The following SHISA9 variants were observed in gnomAD, a reference collection of about 807,000 sequenced individuals.
SHISA9 encodes shisa family member 9, also known as protein shisa-9.
In SHISA9, 13 loss-of-function variants were observed where a neutral mutation model predicts 38.0. That is an observed-to-expected ratio of 0.34 (90% CI 0.22 to 0.54). SHISA9 has a LOEUF of 0.54. Among genes scored for constraint, SHISA9 ranks in the 20% least tolerant of loss-of-function variants. The pLI, the probability that SHISA9 is intolerant of heterozygous loss-of-function variation, is 0.91. For missense variants in SHISA9, 538 were observed against 575.8 expected, an observed-to-expected ratio of 0.93 and a Z score of 0.67; for synonymous variants, 275 against 242.0, an observed-to-expected ratio of 1.14 and a Z score of -1.27.
intron 2 of SHISA9, among the ~76,000 whole-genome samples, chr16:13,153,809 T>A (rs1317113431): frequency 6.6e-6 from 1 of 152,196 alleles, no homozygotes; most frequent in Non-Finnish European, 1.5e-5. Flanking sequence ...CTGCAATGTT[T>A]GGGAACGCAG....
intron 2 of SHISA9, among the ~76,000 whole-genome samples, chr16:13,067,806 C>A (rs1442321214): frequency 3.3e-5 from 5 of 152,214 alleles, no homozygotes; most frequent in African/African-American, 1.2e-4. Flanking sequence ...TTGCAGTAGG[C>A]CTTTGCGCCA....
At chr16:13,208,262 C>A (rs979816719) in intron 3 of SHISA9, among the ~76,000 whole-genome samples, 1 of 152,116 alleles carries the variant, frequency 6.6e-6, no homozygotes, top group African/African-American at 2.4e-5. Flanking sequence ...CCATTCATTT[C>A]CTGCCAACTC....
At chr16:13,037,037 T>C (rs2073075950) in intron 2 of SHISA9, among the ~76,000 whole-genome samples, 1 of 146,734 alleles carries the variant, frequency 6.8e-6, no homozygotes, top group South Asian at 2.2e-4. Flanking sequence ...ATTTTGTAAG[T>C]AAAAGGAAAG....
intron 2 of SHISA9, among the ~76,000 whole-genome samples, chr16:13,119,735 G>A (rs2074067138): frequency 6.6e-6 from 1 of 152,222 alleles, no homozygotes; most frequent in African/African-American, 2.4e-5. Flanking sequence ...CCTAATCAGA[G>A]CCCTAGAGGA....
chr16:13,136,105 CTT>C (rs1317765054), intron 2 of SHISA9, among the ~76,000 whole-genome samples: 1 of 152,098 alleles, frequency 6.6e-6, no homozygotes, highest in African/African-American at 2.4e-5. Flanking sequence ...TAATATCTCT[CTT>C]GATGTCTCTG....
chr16:13,282,725 A>G, the SHISA9 span, among the ~76,000 whole-genome samples: 2 of 151,988 alleles, frequency 1.3e-5, no homozygotes, highest in African/African-American at 4.8e-5. Flanking sequence ...ACTTTCAATT[A>G]CATGTCTTTA....
chr16:13,314,692 A>G, the SHISA9 span, among the ~76,000 whole-genome samples: 1 of 152,092 alleles, frequency 6.6e-6, no homozygotes, highest in African/African-American at 2.4e-5. Context: ...TACATCCATC[A>G]TATCAGTTCC....
chr16:13,392,858 G>T, the SHISA9 span, among the ~76,000 whole-genome samples: 1 of 152,218 alleles, frequency 6.6e-6, no homozygotes, highest in African/African-American at 2.4e-5. Context: ...AGAAGCTAAG[G>T]CAGAGGCCTG....
chr16:13,146,569 T>C (rs2142000592), intron 2 of SHISA9, among the ~76,000 whole-genome samples: 1 of 152,342 alleles, frequency 6.6e-6, no homozygotes, highest in South Asian at 2.1e-4. Flanking sequence ...TGATCAATTA[T>C]TGTTGTCTGT....
intron 2 of SHISA9, among the ~76,000 whole-genome samples, chr16:12,968,984 G>A (rs191976643): frequency 2.6e-5 from 4 of 151,910 alleles, no homozygotes; most frequent in East Asian, 1.9e-4. Context: ...GTGAAACCCC[G>A]TCTCTACTAA....
intron 4 of SHISA9, among the ~76,000 whole-genome samples, chr16:13,223,730 A>T (rs1289926772): frequency 1.3e-5 from 2 of 152,346 alleles, no homozygotes; most frequent in African/African-American, 4.8e-5. Flanking sequence ...GGGAGGCCTC[A>T]AAATCATGGT....
chr16:13,124,997 A>C, intron 2 of SHISA9, among the ~76,000 whole-genome samples: 1 of 152,326 alleles, frequency 6.6e-6, no homozygotes. Flanking sequence ...AGATCTAAGA[A>C]CTCAGACTAT....
intron 2 of SHISA9, among the ~76,000 whole-genome samples, chr16:13,168,953 GTGAT>G (rs2050661820): frequency 6.6e-6 from 1 of 152,232 alleles, no homozygotes; most frequent in African/African-American, 2.4e-5. Context: ...TGCTCAGTGA[GTGAT>G]TGTCACCATG....
intron 2 of SHISA9, among the ~76,000 whole-genome samples, chr16:13,087,953 A>C (rs2073732014): frequency 6.6e-6 from 1 of 152,158 alleles, no homozygotes; most frequent in Non-Finnish European, 1.5e-5. Context: ...TTATGGTTTT[A>C]GGTCTAACAT....
chr16:13,326,331 C>G, the SHISA9 span, among the ~76,000 whole-genome samples: 1 of 152,114 alleles, frequency 6.6e-6, no homozygotes, highest in Non-Finnish European at 1.5e-5. Flanking sequence ...TAAGTTGACA[C>G]GTAAAAGTAA....
the SHISA9 span, among the ~76,000 whole-genome samples, chr16:13,370,689 AATTTT>A: frequency 2.0e-5 from 3 of 152,078 alleles, no homozygotes; most frequent in Non-Finnish European, 2.9e-5. Context: ...TTTTGAACAT[AATTTT>A]ATTTTATTTT....
the SHISA9 span, among the ~76,000 whole-genome samples, chr16:13,278,360 T>C: frequency 6.6e-6 from 1 of 152,114 alleles, no homozygotes; most frequent in Non-Finnish European, 1.5e-5. Flanking sequence ...TCATCAGGGA[T>C]ATCGGTCTGT....
the SHISA9 span, among the ~76,000 whole-genome samples, chr16:13,359,953 A>C: frequency 1.2e-4 from 19 of 152,152 alleles, no homozygotes; most frequent in Non-Finnish European, 1.5e-5. Context: ...GGGTGGATAG[A>C]GTTTCATCTG....
chr16:12,936,823 C>T (rs2071540259), intron 2 of SHISA9, among the ~76,000 whole-genome samples: 1 of 152,122 alleles, frequency 6.6e-6, no homozygotes, highest in South Asian at 2.1e-4. Flanking sequence ...TACTCGGTGC[C>T]TATGAATGAT....
Sources: gnomAD v4.1 joint callset for allele counts (sites outside exome capture counted in the v4.1 genomes callset) on GRCh38, gnomAD v4.1.1 for gene constraint, MANE v1.5 for transcripts, NCBI Gene and HGNC (gene_info 2026-07-23, HGNC 2026-07-21) for gene names.